The following UMAD1 variants were observed in gnomAD, a reference collection of about 807,000 sequenced individuals.
The protein encoded by UMAD1 is UBAP1-MVB12-associated (UMA) domain containing 1.
Under a neutral mutation model 6.1 loss-of-function variants are expected in UMAD1, and 8 were observed. That is an observed-to-expected ratio of 1.30 (90% confidence interval 0.76 to 2.35). The LOEUF is 2.35. UMAD1 is among the 30% of genes most tolerant of loss of function. UMAD1 has a pLI of 0.00. For synonymous variants in UMAD1, 56 were observed against 31.4 expected (o/e 1.78, Z -2.61); for missense variants, 130 against 78.4 (o/e 1.66, Z -2.49).
chr7:7,762,199 A>G (rs1781904455), intron 2 of UMAD1, among the ~76,000 whole-genome samples: 1 of 152,138 alleles, frequency 6.6e-6, no homozygotes, highest in African/African-American at 2.4e-5. Flanking sequence ...ACACCAGGAG[A>G]ACAAATTATT....
chr7:7,724,033 A>G (rs1448084098), intron 2 of UMAD1, among the ~76,000 whole-genome samples: 1 of 152,080 alleles, frequency 6.6e-6, no homozygotes, highest in Non-Finnish European at 1.5e-5. Flanking sequence ...CAGACCCAGA[A>G]CCCCTTGAAT....
intron 3 of UMAD1, among the ~76,000 whole-genome samples, chr7:7,842,632 C>G: frequency 6.7e-6 from 1 of 149,234 alleles, no homozygotes; most frequent in South Asian, 2.1e-4. Flanking sequence ...AAAAAAAAAA[C>G]TAATATGGGT....
At chr7:7,743,837 G>A (rs945931178) in intron 2 of UMAD1, among the ~76,000 whole-genome samples, 14 of 151,746 alleles carry the variant, frequency 9.2e-5, no homozygotes, top group African/African-American at 3.4e-4. Context: ...TTATATTTAT[G>A]ATGTTGTGAA....
In UMAD1 at chr7:7,858,302, T is replaced by G. The variant is rs548577879; in HGVS notation, c.157-18979T>G. On this transcript the variant is annotated intron_variant, in intron 3 of 3. Transcript: ENST00000682710. ...ATTAGTATGTATCAGGGCTCGTATTTTAAACCACCTTATTTTTACCCTCAG... is the reference window on the plus strand; with the variant it reads ...ATTAGTATGTATCAGGGCTCGTATTGTAAACCACCTTATTTTTACCCTCAG... Among the ~76,000 whole-genome samples the G allele has an allele frequency of 1.2e-3, 181 of 152,346 alleles. 1 individual carries two copies. Among genetic ancestry groups the G allele is most frequent in the African/African-American group, 3.5e-3 (144 of 41,596 alleles).
intron 1 of UMAD1, among the ~76,000 whole-genome samples, chr7:7,647,795 G>C (rs2115547066): frequency 6.6e-6 from 1 of 152,192 alleles, no homozygotes; most frequent in African/African-American, 2.4e-5. Context: ...TGTAGAGACG[G>C]GTTCTTTCTT....
At chr7:7,723,546 T>C (rs1295898727) in intron 2 of UMAD1, among the ~76,000 whole-genome samples, 1 of 152,180 alleles carries the variant, frequency 6.6e-6, no homozygotes, top group Non-Finnish European at 1.5e-5. Context: ...TTAGACCTAC[T>C]CTTCCCAGCT....
chr7:7,809,258 G>A (rs1359155062), intron 3 of UMAD1, among the ~76,000 whole-genome samples: 8 of 151,844 alleles, frequency 5.3e-5, no homozygotes, highest in Admixed American at 6.6e-5. Context: ...AGTACACAGC[G>A]GTCACTTTGG....
At chr7:7,800,015 C>G (rs1782767220) in intron 2 of UMAD1, among the ~76,000 whole-genome samples, 1 of 152,192 alleles carries the variant, frequency 6.6e-6, no homozygotes, top group Non-Finnish European at 1.5e-5. Flanking sequence ...TCCTGAGTAG[C>G]TGGGATTACA....
At chr7:7,808,684 G>C (rs896672088) in intron 3 of UMAD1, among the ~76,000 whole-genome samples, 1 of 151,672 alleles carries the variant, frequency 6.6e-6, no homozygotes, top group Non-Finnish European at 1.5e-5. Flanking sequence ...ACTTATTTTT[G>C]ATCTCAAAGA....
chr7:7,700,380 G>A (rs1424803402), intron 2 of UMAD1, among the ~76,000 whole-genome samples: 2 of 152,064 alleles, frequency 1.3e-5, no homozygotes, highest in African/African-American at 4.8e-5. Context: ...AATTTTGAGG[G>A]AACACAAATA....
intron 2 of UMAD1, among the ~76,000 whole-genome samples, chr7:7,758,848 C>G (rs1247290459): frequency 7.2e-5 from 11 of 151,978 alleles, no homozygotes; most frequent in Non-Finnish European, 1.3e-4. Context: ...TGTGGACACT[C>G]TCTCTCTCCC....
intron 2 of UMAD1, among the ~76,000 whole-genome samples, chr7:7,755,187 C>A (rs1173983594): frequency 6.6e-6 from 1 of 152,092 alleles, no homozygotes; most frequent in African/African-American, 2.4e-5. Context: ...TTTAAAAAAT[C>A]CATCAGAAAT....
chr7:7,773,695 C>T (rs867960933), intron 2 of UMAD1, among the ~76,000 whole-genome samples: 4 of 152,170 alleles, frequency 2.6e-5, no homozygotes, highest in South Asian at 4.1e-4. Flanking sequence ...ACTTTTCATC[C>T]TAAGCAAAGT....
chr7:7,737,231 C>G (rs1174887472), intron 2 of UMAD1, among the ~76,000 whole-genome samples: 1 of 152,230 alleles, frequency 6.6e-6, no homozygotes, highest in East Asian at 1.9e-4. Flanking sequence ...CCAGCTGAAA[C>G]TTTGGTGAGT....
intron 1 of UMAD1, among the ~76,000 whole-genome samples, chr7:7,669,712 A>G (rs557602288): frequency 2.7e-4 from 41 of 152,298 alleles, no homozygotes; most frequent in Non-Finnish European, 5.6e-4. Flanking sequence ...TAGTAGGGGA[A>G]GGAGTTAAGT....
intron 1 of UMAD1, among the ~76,000 whole-genome samples, chr7:7,671,007 A>G (rs1779591962): frequency 6.6e-6 from 1 of 152,188 alleles, no homozygotes; most frequent in Admixed American, 6.5e-5. Flanking sequence ...TTCCTTGGCT[A>G]CAACGGAAAT....
At chr7:7,681,262 T>TAGGCAAGCATTTCTGCTTAACACAA (rs1779906553) in intron 2 of UMAD1, among the ~76,000 whole-genome samples, 1 of 152,148 alleles carries the variant, frequency 6.6e-6, no homozygotes, top group Admixed American at 6.6e-5. Context: ...CCTTTTCCCC[T>TAGGCAAGCATTTCTGCTTAACACAA]AGGCAAGCAT....
At chr7:7,722,245 C>G (rs1363282162) in intron 2 of UMAD1, among the ~76,000 whole-genome samples, 2 of 150,898 alleles carry the variant, frequency 1.3e-5, no homozygotes, top group African/African-American at 4.9e-5. Context: ...CCAGTGAACC[C>G]TGACTAATAT....
chr7:7,724,931 C>T lies in UMAD1; in HGVS notation c.82+51478C>T, dbSNP rs79065158. Among the ~76,000 whole-genome samples the T allele has an allele frequency of 2.0e-3, 309 of 152,270 alleles. 8 individuals are homozygous for T. In the East Asian group the frequency reaches 0.054, roughly 27 times the overall value. ...AGAACTTGATTGCTTTTCACTTCCA[C>T]GAGATACCACACTGGTCCATTACAT... On this transcript the variant is annotated intron_variant, in intron 2 of 3. Coordinates refer to ENST00000682710, the MANE Select transcript of UMAD1 (RefSeq NM_001302348.2).
Sources: allele counts gnomAD v4.1 joint callset (sites outside exome capture counted in the v4.1 genomes callset), GRCh38; gene constraint gnomAD v4.1.1; transcripts MANE v1.5; gene names NCBI Gene and HGNC (gene_info 2026-07-23, HGNC 2026-07-21).